The following DCC variants were observed in gnomAD, a reference collection of about 807,000 sequenced individuals.
DCC encodes the protein netrin receptor DCC.
Under a neutral mutation model 172.5 loss-of-function variants are expected in DCC, and 58 were observed. The ratio of observed to expected loss-of-function variants is 0.34; its 90% confidence interval spans 0.27 to 0.42. The LOEUF (loss-of-function observed/expected upper bound fraction) is 0.42. Among genes scored for constraint, DCC ranks in the 10% least tolerant of loss-of-function variants. The pLI, the probability that DCC is intolerant of heterozygous loss-of-function variation, is 1.00. For missense variants in DCC, 1,740 were observed against 1,791.0 expected (o/e 0.97, Z 0.51); for synonymous variants, 709 against 644.5 (o/e 1.10, Z -1.52).
chr18:52,615,763 C>G (rs945953979), intron 1 of DCC, among the ~76,000 whole-genome samples: 1 of 151,912 alleles, frequency 6.6e-6, no homozygotes, highest in Non-Finnish European at 1.5e-5. Flanking sequence ...CTCCTAGGAG[C>G]CTGTAAAGAT....
intron 1 of DCC, among the ~76,000 whole-genome samples, chr18:52,496,512 G>C (rs762173578): frequency 1.3e-5 from 2 of 152,102 alleles, no homozygotes; most frequent in African/African-American, 4.8e-5. Context: ...ATGTTGGACT[G>C]CTGCCTGATG....
At chr18:52,619,670 G>A (rs1009435544) in intron 1 of DCC, among the ~76,000 whole-genome samples, 1 of 152,110 alleles carries the variant, frequency 6.6e-6, no homozygotes, top group East Asian at 1.9e-4. Context: ...CAAGATTTAT[G>A]TCCTTATTAT....
chr18:53,029,437 A>G (rs1257718536), intron 5 of DCC, among the ~76,000 whole-genome samples: 1 of 152,188 alleles, frequency 6.6e-6, no homozygotes, highest in East Asian at 1.9e-4. Context: ...GACTTTTCCA[A>G]GGTACATTTA....
chr18:53,079,436 C>G (rs888094677), intron 7 of DCC, among the ~76,000 whole-genome samples: 5 of 152,096 alleles, frequency 3.3e-5, no homozygotes, highest in African/African-American at 1.2e-4. Context: ...TGGTAAATAT[C>G]TTTTTGCTTT....
At chr18:53,513,058 A>G (rs558585627) in intron 27 of DCC, among the ~76,000 whole-genome samples, 62 of 152,324 alleles carry the variant, frequency 4.1e-4, no homozygotes, top group African/African-American at 1.5e-3. Context: ...GGGAAGCCAG[A>G]GAGAAAGGTC....
intron 16 of DCC, among the ~76,000 whole-genome samples, 171 bp from the exon 17 acceptor site, chr18:53,391,484 T>C (rs1301692718): frequency 6.6e-6 from 1 of 152,258 alleles, no homozygotes; most frequent in Non-Finnish European, 1.5e-5. Context: ...CTGTTTCTAA[T>C]GTGTTTTCCG....
At chr18:53,058,641 G>A (rs2042450290) in intron 5 of DCC, among the ~76,000 whole-genome samples, 1 of 152,052 alleles carries the variant, frequency 6.6e-6, no homozygotes, top group Admixed American at 6.6e-5. Context: ...GGAAAATTGG[G>A]TAAACTTTAT....
intron 1 of DCC, among the ~76,000 whole-genome samples, chr18:52,700,188 A>G (rs1433901830): frequency 1.3e-5 from 2 of 149,240 alleles, no homozygotes; most frequent in African/African-American, 2.5e-5. Context: ...ATGCACACGC[A>G]CACACACGCA....
intron 2 of DCC, among the ~76,000 whole-genome samples, chr18:52,779,126 G>A (rs2037486134): frequency 6.6e-6 from 1 of 152,038 alleles, no homozygotes. Flanking sequence ...TCAAGTGTAT[G>A]TTGGCTTCTG....
intron 1 of DCC, among the ~76,000 whole-genome samples, chr18:52,491,437 T>A (rs1273947291): frequency 6.6e-6 from 1 of 152,114 alleles, no homozygotes; most frequent in Non-Finnish European, 1.5e-5. Context: ...GGAAGAATTA[T>A]CTTAGGAGAT....
chr18:53,437,133 TC>T (rs1023386782), intron 22 of DCC, among the ~76,000 whole-genome samples: 6 of 152,172 alleles, frequency 3.9e-5, no homozygotes, highest in African/African-American at 1.4e-4. Context: ...GGATGCTCTT[TC>T]CAGGCTACTC....
At chr18:52,628,321 G>C (rs1049218193) in intron 1 of DCC, among the ~76,000 whole-genome samples, 2 of 152,136 alleles carry the variant, frequency 1.3e-5, no homozygotes, top group African/African-American at 4.8e-5. Flanking sequence ...GTCAAGAAAA[G>C]ATTCTGCAAA....
At chr18:52,774,415 G>A (rs571032450) in intron 2 of DCC, among the ~76,000 whole-genome samples, 16 of 152,326 alleles carry the variant, frequency 1.1e-4, no homozygotes, top group African/African-American at 3.4e-4. Flanking sequence ...AGGAAGTGGG[G>A]ATATTAATGA....
chr18:53,371,422 T>C (rs903739939), intron 15 of DCC, among the ~76,000 whole-genome samples: 1 of 151,986 alleles, frequency 6.6e-6, no homozygotes, highest in Non-Finnish European at 1.5e-5. Flanking sequence ...AAAAGCATGA[T>C]TGCATTTCCT....
intron 1 of DCC, among the ~76,000 whole-genome samples, chr18:52,603,997 C>A (rs2034075612): frequency 6.6e-6 from 1 of 150,950 alleles, no homozygotes; most frequent in Non-Finnish European, 1.5e-5. Flanking sequence ...GCTAGGTTTG[C>A]AGTAGTGCTT....
At chr18:52,387,630 C>CCTTCCTTCCTTA (rs1985864569) in intron 1 of DCC, among the ~76,000 whole-genome samples, 1 of 151,016 alleles carries the variant, frequency 6.6e-6, no homozygotes, top group East Asian at 2.0e-4. Flanking sequence ...TTCCTTCCTT[C>CCTTCCTTCCTTA]CTTCTGTCCT....
chr18:52,356,370 A>G (rs756593431), intron 1 of DCC, among the ~76,000 whole-genome samples: 4 of 152,120 alleles, frequency 2.6e-5, no homozygotes, highest in Non-Finnish European at 4.4e-5. Context: ...AAATGTATAG[A>G]AAACTTTGGT....
intron 21 of DCC, among the ~76,000 whole-genome samples, chr18:53,425,653 C>T (rs773151983): frequency 2.0e-5 from 3 of 152,076 alleles, no homozygotes; most frequent in Non-Finnish European, 2.9e-5. Flanking sequence ...TGAGCCACTG[C>T]TCCTGGCCCC....
chr18:53,516,353 G>A (rs1183695325), intron 27 of DCC, among the ~76,000 whole-genome samples: 3 of 147,000 alleles, frequency 2.0e-5, no homozygotes, highest in Admixed American at 6.6e-5. Flanking sequence ...AACCCTAGAA[G>A]AAAACCTAGG....
Sources: allele counts gnomAD v4.1 joint callset (sites outside exome capture counted in the v4.1 genomes callset), GRCh38; gene constraint gnomAD v4.1.1; transcripts MANE v1.5; gene names NCBI Gene and HGNC (gene_info 2026-07-23, HGNC 2026-07-21).